The following KYAT1 variants were observed in gnomAD, a reference collection of about 807,000 sequenced individuals.
KYAT1 encodes kynurenine--oxoglutarate transaminase 1.
KYAT1 carries 47 observed loss-of-function variants against 52.4 expected under a neutral mutation model. The observed-to-expected ratio is 0.90, with a 90% CI of 0.71 to 1.14. The LOEUF is 1.14. Ranked by LOEUF, KYAT1 falls within the 50% of genes most tolerant of loss-of-function variation. The probability of loss-of-function intolerance (pLI) is 0.00; values close to 1 mark genes in which losing one functional copy is unlikely to be tolerated. For synonymous variants in KYAT1, 212 were observed against 209.6 expected (o/e 1.01, Z -0.10); for missense variants, 480 against 557.9 (o/e 0.86, Z 1.41).
intron 1 of KYAT1, among the ~76,000 whole-genome samples, chr9:128,866,838 G>A (rs1425160387): frequency 4.0e-5 from 6 of 151,746 alleles, no homozygotes; most frequent in Non-Finnish European, 7.4e-5. Flanking sequence ...CCCAGGAGGC[G>A]GAGGTTGTGG....
At chr9:128,869,565 A>G (rs1215321952) in intron 1 of KYAT1, among the ~76,000 whole-genome samples, 2 of 152,160 alleles carry the variant, frequency 1.3e-5, no homozygotes, top group East Asian at 1.9e-4. Context: ...ACCTCGTTCC[A>G]TCTACAAAAA....
intron 1 of KYAT1, among the ~76,000 whole-genome samples, chr9:128,877,040 A>G (rs921197310): frequency 3.3e-5 from 5 of 151,978 alleles, no homozygotes; most frequent in Admixed American, 1.3e-4. Context: ...CTGGGATTAC[A>G]GGCACCCACC....
chr9:128,846,577 C>T (rs995135258), intron 1 of KYAT1: 73 of 871,680 alleles, frequency 8.4e-5, no homozygotes, highest in South Asian at 5.2e-4. Flanking sequence ...CACTCCTGCC[C>T]GACCCAACGA....
At chr9:128,876,627 G>A (rs1254753849) in intron 1 of KYAT1, among the ~76,000 whole-genome samples, 2 of 148,952 alleles carry the variant, frequency 1.3e-5, no homozygotes, top group Non-Finnish European at 3.0e-5. Context: ...CACCATGTTA[G>A]CCAGGATGGT....
In KYAT1 at chr9:128,842,781, G is replaced by A; in HGVS notation, c.74C>T (p.Ala25Val). The A allele has an allele frequency of 6.2e-7, 1 of 1,613,822 alleles. No homozygotes were observed. The highest frequency in any genetic ancestry group is 8.5e-7 in the Non-Finnish European group (1 of 1,179,868). ...CAAGTTCACGACGTCATGCTCACTG[G>A]CCAGTTTCACAAACTCCACCCTGGG... ...YNPWVEFVKL[A>V]SEHDVVNLGQ... The change falls in exon 3 of 13, where the codon GCC (alanine) becomes GTC (valine). Residue 25 changes from alanine (A) to valine (V), a missense_variant. By Grantham distance (64) the Ala-to-Val change is moderately conservative (BLOSUM62 0). Transcript: ENST00000302586.
At chr9:128,846,128 T>A (rs900011506) in intron 1 of KYAT1, among the ~76,000 whole-genome samples, 1 of 152,140 alleles carries the variant, frequency 6.6e-6, no homozygotes, top group Non-Finnish European at 1.5e-5. Context: ...CAGCCACTGG[T>A]GTGCAGAAAC....
At chr9:128,873,382 TAAG>T (rs1837519136) in intron 1 of KYAT1, among the ~76,000 whole-genome samples, 1 of 150,092 alleles carries the variant, frequency 6.7e-6, no homozygotes, top group Admixed American at 6.7e-5. Context: ...AAAAAACTAA[TAAG>T]AACTTAGTAC....
intron 3 of KYAT1, chr9:128,842,077 A>G: frequency 3.2e-6 from 1 of 316,838 alleles, no homozygotes; most frequent in South Asian, 2.6e-5. Context: ...CTGTAGTCCC[A>G]GTTACTCCAG....
chr9:128,864,892 AG>A (rs920106970), intron 1 of KYAT1, among the ~76,000 whole-genome samples: 94 of 151,960 alleles, frequency 6.2e-4, no homozygotes, highest in African/African-American at 2.1e-3. Flanking sequence ...TAGAGGTGTG[AG>A]TCACTGCTCC....
intron 11 of KYAT1, 81 bp downstream of exon 11, chr9:128,835,242 A>G (rs1830829663): frequency 1.8e-6 from 2 of 1,128,136 alleles, no homozygotes; most frequent in African/African-American, 1.5e-5. Flanking sequence ...GATCTAGCCC[A>G]GGAGCCTCTT....
chr9:128,878,042 C>G (rs1392109788), intron 1 of KYAT1, among the ~76,000 whole-genome samples: 1 of 152,192 alleles, frequency 6.6e-6, no homozygotes, highest in African/African-American at 2.4e-5. Context: ...CTTGGGGGCT[C>G]AGCTTCCTCA....
chr9:128,848,736 G>A (rs1833480090), intron 1 of KYAT1, among the ~76,000 whole-genome samples: 1 of 149,050 alleles, frequency 6.7e-6, no homozygotes, highest in South Asian at 2.1e-4. Context: ...AGAATCACTT[G>A]AACTTAGGAG....
Position 128,835,676 on chromosome 9 carries a change from G to A in KYAT1, c.856-9C>T, listed in dbSNP as rs1329888184. 1.1e-5 allele frequency: 17 copies of A among 1,608,750 alleles called. No individual in the cohort carries two copies. Among genetic ancestry groups the A allele is most frequent in the Non-Finnish European group, 1.3e-5 (15 of 1,179,302 alleles). On this transcript the variant is annotated splice_polypyrimidine_tract_variant and intron_variant, in intron 9 of 12. Coordinates refer to ENST00000302586, the MANE Select transcript of KYAT1 (RefSeq NM_004059.5). ...CTCTCGGCTACTGCAGCCTGGGCAGGGCAGATGGACACACAGATAGATCAG... is the reference window on the plus strand; with the variant it reads ...CTCTCGGCTACTGCAGCCTGGGCAGAGCAGATGGACACACAGATAGATCAG...
chr9:128,878,995 G>T (rs978769197), intron 1 of KYAT1, among the ~76,000 whole-genome samples: 1 of 152,216 alleles, frequency 6.6e-6, no homozygotes, highest in Non-Finnish European at 1.5e-5. Flanking sequence ...GGGAATGAGG[G>T]CATAGGATGA....
At chr9:128,868,731 G>T (rs1836783918) in intron 1 of KYAT1, among the ~76,000 whole-genome samples, 1 of 145,230 alleles carries the variant, frequency 6.9e-6, no homozygotes, top group Non-Finnish European at 1.5e-5. Context: ...TTTTGAGATG[G>T]AGTCTTGCTC....
intron 1 of KYAT1, among the ~76,000 whole-genome samples, chr9:128,871,478 G>A (rs140322413): frequency 5.3e-5 from 8 of 152,262 alleles, no homozygotes; most frequent in East Asian, 1.9e-4. Context: ...TTGAGAGGCC[G>A]AGGCAGGAGG....
intron 1 of KYAT1, among the ~76,000 whole-genome samples, chr9:128,861,302 T>C (rs1588126619): frequency 6.6e-6 from 1 of 152,176 alleles, no homozygotes; most frequent in South Asian, 2.1e-4. Context: ...ACCCCCATGC[T>C]GCTGTGCTGG....
chr9:128,873,759 TC>T, intron 1 of KYAT1, among the ~76,000 whole-genome samples: 1 of 149,588 alleles, frequency 6.7e-6, no homozygotes, highest in South Asian at 2.1e-4. Context: ...AGACTCCATC[TC>T]AAAAAGAAAA....
intron 3 of KYAT1, 152 bp from the exon 4 acceptor site, chr9:128,838,519 A>C: frequency 1.3e-6 from 1 of 756,312 alleles, no homozygotes; most frequent in Non-Finnish European, 2.2e-6. Context: ...GGAATAGATC[A>C]GCTTTCAACA....
Sources: allele counts gnomAD v4.1 joint callset (sites outside exome capture counted in the v4.1 genomes callset), GRCh38; gene constraint gnomAD v4.1.1; transcripts MANE v1.5; gene names NCBI Gene and HGNC (gene_info 2026-07-23, HGNC 2026-07-21).